ULK2: variants seen among roughly 807,000 people sequenced by gnomAD.
ULK2 encodes serine/threonine-protein kinase ULK2.
A neutral mutation model predicts 127.5 loss-of-function variants in ULK2; 76 were observed. The observed-to-expected ratio is 0.60, with a 90% CI of 0.50 to 0.72. The LOEUF (loss-of-function observed/expected upper bound fraction) is 0.72. Among genes scored for constraint, ULK2 ranks in the 30% least tolerant of loss-of-function variants. The probability of loss-of-function intolerance (pLI) is 0.00; values close to 1 mark genes in which losing one functional copy is unlikely to be tolerated. For missense variants in ULK2, 1,144 were observed against 1,295.9 expected, an observed-to-expected ratio of 0.88 and a Z score of 1.80; for synonymous variants, 452 against 461.9, an observed-to-expected ratio of 0.98 and a Z score of 0.28.
At chr17:19,863,456 C>G (rs1457038441) in intron 3 of ULK2, among the ~76,000 whole-genome samples, 1 of 151,428 alleles carries the variant, frequency 6.6e-6, no homozygotes, top group African/African-American at 2.4e-5. Context: ...CAGGTCCCCA[C>G]AGCTCTCACA....
In ULK2 at chr17:19,810,386, C is replaced by A; in HGVS notation, c.1149G>T (p.Val383=). 20 of 1,604,876 alleles carry A rather than the reference C, an allele frequency of 1.2e-5. No homozygotes were observed. Among genetic ancestry groups the A allele is most frequent in the Non-Finnish European group, 1.7e-5 (20 of 1,173,036 alleles). The change falls in exon 14 of 27, where the codon GTG becomes GTT. Residue 383 remains valine (V), a synonymous_variant. Transcript: ENST00000395544. ...AGRRASNEFL[V]CGGQCQPTVS... ...AATGTAAATATACATACCCTCCACA[C>A]ACCAAGAATTCATTTGAAGCACGTC...
chr17:19,839,673 A>G (rs372699773), intron 9 of ULK2, among the ~76,000 whole-genome samples: 245 of 151,924 alleles, frequency 1.6e-3, no homozygotes, highest in African/African-American at 5.4e-3. Context: ...AAAAAAAAAA[A>G]AAAGAAAGAA....
At chr17:19,839,009 C>A (rs1380777684) in intron 9 of ULK2, among the ~76,000 whole-genome samples, 2 of 147,442 alleles carry the variant, frequency 1.4e-5, no homozygotes, top group Non-Finnish European at 3.0e-5. Context: ...CCAGGCTGGG[C>A]GACAGAGCAA....
intron 20 of ULK2, among the ~76,000 whole-genome samples, chr17:19,787,003 C>CT (rs71157832): frequency 0.88 from 127,776 of 145,622 alleles, 56,825 homozygotes; most frequent in Non-Finnish European, 0.96. Context: ...CATTTATTTA[C>CT]TTTTTTTTTT....
chr17:19,810,229 CA>C (rs199922634), intron 14 of ULK2, 148 bp downstream of exon 14: 91 of 350,700 alleles, frequency 2.6e-4, no homozygotes, highest in East Asian at 1.0e-3. Flanking sequence ...GACTCCATCT[CA>C]AAAAAAAAAA....
intron 14 of ULK2, among the ~76,000 whole-genome samples, chr17:19,809,970 G>A (rs913794064): frequency 1.3e-5 from 2 of 151,392 alleles, no homozygotes; most frequent in South Asian, 2.1e-4. Context: ...GGTGGCTCAC[G>A]CCTATAATCC....
At chr17:19,834,303 T>A (rs918259504) in intron 10 of ULK2, among the ~76,000 whole-genome samples, 12 of 152,006 alleles carry the variant, frequency 7.9e-5, no homozygotes, top group Admixed American at 1.3e-4. Context: ...AGAATTTGTA[T>A]AAAGAGCATT....
At chr17:19,804,111 G>T (rs2087459652) in intron 15 of ULK2, among the ~76,000 whole-genome samples, 2 of 152,078 alleles carry the variant, frequency 1.3e-5, no homozygotes, top group African/African-American at 4.8e-5. Flanking sequence ...GGCCAGGCGT[G>T]GTGGCTCATG....
chr17:19,780,871 G>T (rs2086903349), intron 24 of ULK2, 115 bp downstream of exon 24: 2 of 1,116,264 alleles, frequency 1.8e-6, no homozygotes, highest in Admixed American at 4.5e-5. Flanking sequence ...TTCCCTTTAA[G>T]AATACTGAAA....
intron 22 of ULK2, among the ~76,000 whole-genome samples, chr17:19,782,506 T>G (rs1007626040): frequency 6.6e-6 from 1 of 152,232 alleles, no homozygotes; most frequent in Admixed American, 6.5e-5. Context: ...TTCTGGTCGT[T>G]TTTCAGTTAA....
intron 25 of ULK2, among the ~76,000 whole-genome samples, chr17:19,778,548 C>T (rs900827617): frequency 1.3e-5 from 2 of 152,210 alleles, no homozygotes; most frequent in African/African-American, 4.8e-5. Flanking sequence ...AGTACCAGAA[C>T]TCTCAGAAAT....
At chr17:19,793,772 TCA>T (rs2087207489) in intron 20 of ULK2, among the ~76,000 whole-genome samples, 1 of 152,154 alleles carries the variant, frequency 6.6e-6, no homozygotes, top group African/African-American at 2.4e-5. Flanking sequence ...CCTATTTAAC[TCA>T]GTTTTTAAAC....
chr17:19,835,395 T>C (rs1255817912), intron 10 of ULK2, among the ~76,000 whole-genome samples: 2 of 151,090 alleles, frequency 1.3e-5, no homozygotes, highest in Non-Finnish European at 3.0e-5. Context: ...CTAGTTTTTA[T>C]ATAAAGTAGA....
At position 19,788,432 on chromosome 17, in the gene ULK2, G is replaced by A. The variant is rs1446876482; in HGVS notation, c.2102-2346C>T. On this transcript the variant is annotated intron_variant, in intron 20 of 26. Transcript: ENST00000395544. Reference sequence around the variant, plus strand: ...CGTGAGACCCCCATCCCAGGCCCTAGTTCCTGTTGACATTTCTAAACACAC... The same window carrying A: ...CGTGAGACCCCCATCCCAGGCCCTAATTCCTGTTGACATTTCTAAACACAC... 2.6e-5 allele frequency among the ~76,000 whole-genome samples: 4 copies of A among 151,970 alleles called. No homozygotes were observed. In the East Asian group the frequency reaches 7.8e-4, roughly 30 times the overall value.
At chr17:19,840,961 A>G (rs1434480726) in intron 9 of ULK2, among the ~76,000 whole-genome samples, 1 of 152,190 alleles carries the variant, frequency 6.6e-6, no homozygotes, top group African/African-American at 2.4e-5. Context: ...GCTACAAAGT[A>G]AAAAACAAAA....
chr17:19,797,454 C>T lies in ULK2; in HGVS notation c.1751G>A (p.Arg584Gln), dbSNP rs948310362. Reference sequence around the variant, plus strand: ...AGTTTTAAAGAACCAGTCAGAACTCCGTGGAGAGGACCCCAAGTGCTTGGT... The same window carrying T: ...AGTTTTAAAGAACCAGTCAGAACTCTGTGGAGAGGACCCCAAGTGCTTGGT... ...SPTKHLGSSP[R>Q]SSDWFFKTPL... Residue 584 changes from arginine to glutamine, a missense_variant, in exon 18 of 27, where the codon CGG becomes CAG. Around this residue, in one of 2 missense-constraint regions of ULK2, gnomAD observed 913 missense variants for 970.5 expected, o/e 0.94. Transcript: ENST00000395544. 1.4e-5 allele frequency: 22 copies of T among 1,613,880 alleles called. No homozygotes were observed. Among genetic ancestry groups the T allele is most frequent in the South Asian group, 3.3e-5 (3 of 91,048 alleles).
chr17:19,773,172 G>A lies in ULK2; in HGVS notation c.*3177C>T, dbSNP rs745651515. The A allele has an allele frequency of 6.6e-6, 1 of 152,120 alleles. No individual in the cohort carries two copies. The allele number at this position is 152,120 out of a possible 1,614,324, so 9.4% of individuals were successfully genotyped here. ...CATGTCTGTAATCCTAGCTACCTGGGAGGCTGAGGAAGAAGAATCACTTGA... is the reference window on the plus strand; with the variant it reads ...CATGTCTGTAATCCTAGCTACCTGGAAGGCTGAGGAAGAAGAATCACTTGA... On this transcript the variant is annotated 3_prime_UTR_variant, in exon 27 of 27. Transcript: ENST00000395544.
At chr17:19,824,095 C>T (rs549227834) in intron 12 of ULK2, among the ~76,000 whole-genome samples, 27 of 152,280 alleles carry the variant, frequency 1.8e-4, no homozygotes, top group African/African-American at 5.1e-4. Context: ...GCTGCAAGCC[C>T]CATCCACTTA....
chr17:19,840,480 G>A (rs1448014134), intron 9 of ULK2: 2 of 458,150 alleles, frequency 4.4e-6, no homozygotes, highest in Non-Finnish European at 8.5e-6. Flanking sequence ...TATCCGGGAA[G>A]GAAAATTGGA....
Sources: allele counts gnomAD v4.1 joint callset (sites outside exome capture counted in the v4.1 genomes callset), GRCh38; gene constraint gnomAD v4.1.1; regional missense constraint gnomAD v4.1.1; transcripts MANE v1.5; gene names NCBI Gene and HGNC (gene_info 2026-07-23, HGNC 2026-07-21).